GRM5: variants seen among roughly 807,000 people sequenced by gnomAD.
The protein encoded by GRM5 is metabotropic glutamate receptor 5.
A neutral mutation model predicts 83.1 loss-of-function variants in GRM5; 19 were observed. The observed-to-expected ratio is 0.23, with a 90% CI of 0.16 to 0.34. The LOEUF is 0.34. Ranked by LOEUF, GRM5 falls within the 10% of genes least tolerant of loss-of-function variation. GRM5 has a pLI of 1.00. For synonymous variants in GRM5, 675 were observed against 633.6 expected (o/e 1.07, Z -0.98); for missense variants, 1,160 against 1,588.3 (o/e 0.73, Z 4.58).
At chr11:89,017,566 C>T (rs1380832046) in intron 2 of GRM5, among the ~76,000 whole-genome samples, 1 of 152,124 alleles carries the variant, frequency 6.6e-6, no homozygotes, top group Non-Finnish European at 1.5e-5. Flanking sequence ...AACAACCTTT[C>T]AAGAGAAGAA....
intron 2 of GRM5, among the ~76,000 whole-genome samples, chr11:88,901,910 G>A (rs1032347615): frequency 6.6e-6 from 1 of 152,152 alleles, no homozygotes; most frequent in African/African-American, 2.4e-5. Context: ...TAGGCAAACA[G>A]CCAAAATAAG....
chr11:88,512,441 T>C (rs965392093), intron 9 of GRM5: 1 of 154,370 alleles, frequency 6.5e-6, no homozygotes, highest in Admixed American at 6.5e-5. Flanking sequence ...AGAAACTCCC[T>C]ACTCACGACA....
At chr11:88,711,152 C>A (rs953087576) in intron 3 of GRM5, among the ~76,000 whole-genome samples, 1 of 151,986 alleles carries the variant, frequency 6.6e-6, no homozygotes, top group Non-Finnish European at 1.5e-5. Flanking sequence ...CTTGAAGAGA[C>A]CCAGGGATAC....
At chr11:88,677,353 C>A (rs1940359506) in intron 3 of GRM5, among the ~76,000 whole-genome samples, 1 of 152,024 alleles carries the variant, frequency 6.6e-6, no homozygotes, top group African/African-American at 2.4e-5. Flanking sequence ...CTTCTCTTTG[C>A]TTTAGTTATT....
intron 2 of GRM5, among the ~76,000 whole-genome samples, chr11:88,884,120 A>G (rs655869): frequency 0.75 from 114,507 of 151,934 alleles, 43,947 homozygotes; most frequent in East Asian, 0.99. Context: ...CTTGCACTGT[A>G]TGCCTGGAAA....
intron 2 of GRM5, among the ~76,000 whole-genome samples, chr11:88,985,051 A>C (rs1211683944): frequency 2.0e-5 from 3 of 152,022 alleles, no homozygotes; most frequent in Non-Finnish European, 4.4e-5. Context: ...GGTACAGTCT[A>C]AGAAATAAAT....
intron 2 of GRM5, among the ~76,000 whole-genome samples, chr11:88,995,496 G>C (rs1018611367): frequency 8.0e-6 from 1 of 124,506 alleles, no homozygotes; most frequent in African/African-American, 3.1e-5. Context: ...AATGAGCTGA[G>C]ATCATGCCAC....
intron 2 of GRM5, among the ~76,000 whole-genome samples, chr11:89,010,426 A>G (rs1591045249): frequency 1.3e-5 from 2 of 152,296 alleles, no homozygotes; most frequent in East Asian, 3.9e-4. Flanking sequence ...AATAAACCCT[A>G]TGAGTATAAG....
chr11:88,622,931 T>C (rs1250634566), intron 4 of GRM5, among the ~76,000 whole-genome samples: 1 of 152,176 alleles, frequency 6.6e-6, no homozygotes, highest in Non-Finnish European at 1.5e-5. Context: ...TGGATTTTTG[T>C]TAAAAGGACA....
In GRM5 at chr11:88,850,020, C is replaced by T; in HGVS notation, c.797G>A (p.Ser266Asn). The change falls in exon 3 of 10, where the codon AGT (serine) becomes AAT (asparagine). Residue 266 changes from serine to asparagine, a missense_variant. Around this residue, in one of 9 missense-constraint regions of GRM5, gnomAD observed 84 missense variants for 231.0 expected, o/e 0.36. Transcript: ENST00000305447. ...SFDKLLKKLT[S>N]HLPKARVVAC... The stretch of plus-strand genomic sequence containing the variant: ...CACCACCCGGGCCTTGGGCAAGTGA[C>T]TTGTGAGCTTCTTCAGCAGCTTATC... The T allele has an allele frequency of 6.2e-7, 1 of 1,613,414 alleles. No homozygotes were observed. Among genetic ancestry groups the T allele is most frequent in the Admixed American group, 1.7e-5 (1 of 60,014 alleles).
chr11:88,651,549 T>A (rs1237012069), intron 4 of GRM5, among the ~76,000 whole-genome samples: 1 of 152,056 alleles, frequency 6.6e-6, no homozygotes, highest in Non-Finnish European at 1.5e-5. Context: ...GATAGAACTG[T>A]TAAAATATGA....
At chr11:88,780,161 CAATT>C (rs780866232) in intron 3 of GRM5, among the ~76,000 whole-genome samples, 3 of 152,128 alleles carry the variant, frequency 2.0e-5, no homozygotes, top group Non-Finnish European at 2.9e-5. Context: ...ACAATGATAA[CAATT>C]AATTGTACAA....
chr11:88,871,271 T>C (rs370397137), intron 2 of GRM5, among the ~76,000 whole-genome samples: 1 of 151,352 alleles, frequency 6.6e-6, no homozygotes, highest in Non-Finnish European at 1.5e-5. Flanking sequence ...CAAATAACTA[T>C]TAAAGGGACA....
intron 6 of GRM5, among the ~76,000 whole-genome samples, chr11:88,593,144 A>AAC (rs1215727853): frequency 6.6e-6 from 1 of 152,196 alleles, no homozygotes; most frequent in Non-Finnish European, 1.5e-5. Flanking sequence ...TATGAATAAC[A>AAC]ATATATAACA....
intron 2 of GRM5, among the ~76,000 whole-genome samples, chr11:88,900,046 G>C (rs1265753377): frequency 6.6e-6 from 1 of 152,090 alleles, no homozygotes; most frequent in African/African-American, 2.4e-5. Flanking sequence ...TTTTATGAGT[G>C]TCTGCTAAAT....
intron 2 of GRM5, among the ~76,000 whole-genome samples, chr11:88,911,192 C>T (rs1315358497): frequency 6.6e-6 from 1 of 152,116 alleles, no homozygotes; most frequent in African/African-American, 2.4e-5. Context: ...GACTAGTCCC[C>T]ACTGTATATA....
At chr11:88,595,794 T>TA (rs1243291949) in intron 6 of GRM5, among the ~76,000 whole-genome samples, 1 of 152,196 alleles carries the variant, frequency 6.6e-6, no homozygotes, top group Non-Finnish European at 1.5e-5. Context: ...GTGTGCTCTC[T>TA]AGTTGTCTAT....
intron 9 of GRM5, among the ~76,000 whole-genome samples, chr11:88,515,629 A>G (rs1215191996): frequency 1.3e-5 from 2 of 152,230 alleles, no homozygotes; most frequent in Non-Finnish European, 2.9e-5. Context: ...AAATCTCACT[A>G]AACTACTCTT....
At chr11:88,829,890 G>C (rs1235239262) in intron 3 of GRM5, among the ~76,000 whole-genome samples, 4 of 151,980 alleles carry the variant, frequency 2.6e-5, no homozygotes, top group Non-Finnish European at 5.9e-5. Flanking sequence ...CAATATCCTA[G>C]AACCAAAGTA....
Sources: gnomAD v4.1 joint callset for allele counts (sites outside exome capture counted in the v4.1 genomes callset) on GRCh38, gnomAD v4.1.1 for gene constraint, gnomAD v4.1.1 regional missense constraint, MANE v1.5 for transcripts, NCBI Gene and HGNC (gene_info 2026-07-23, HGNC 2026-07-21) for gene names.